The following HSD17B11 variants were observed in gnomAD, a reference collection of about 807,000 sequenced individuals.
HSD17B11 encodes the protein estradiol 17-beta-dehydrogenase 11.
Under a neutral mutation model 27.8 loss-of-function variants are expected in HSD17B11, and 22 were observed. The ratio of observed to expected loss-of-function variants is 0.79; its 90% CI spans 0.56 to 1.13. The LOEUF (loss-of-function observed/expected upper bound fraction) is 1.13. Ranked by LOEUF, HSD17B11 falls within the 50% of genes most tolerant of loss-of-function variation. HSD17B11 has a pLI of 0.00. For missense variants in HSD17B11, 314 were observed against 351.1 expected, an observed-to-expected ratio of 0.89 and a Z score of 0.84; for synonymous variants, 117 against 132.8, an observed-to-expected ratio of 0.88 and a Z score of 0.82.
chr4:87,387,501 TC>T (rs1441680385), intron 1 of HSD17B11, among the ~76,000 whole-genome samples: 1 of 152,196 alleles, frequency 6.6e-6, no homozygotes, highest in African/African-American at 2.4e-5. Context: ...GAGCTTCACA[TC>T]TCCAGTTTCT....
chr4:87,386,204 C>CTTT (rs58328540), intron 1 of HSD17B11, among the ~76,000 whole-genome samples: 3 of 143,982 alleles, frequency 2.1e-5, no homozygotes, highest in Non-Finnish European at 3.0e-5. Flanking sequence ...AATTGTGAAA[C>CTTT]TTTTTTTTTT....
intron 5 of HSD17B11, 138 bp from the exon 6 acceptor site, chr4:87,340,744 C>T: frequency 3.7e-6 from 2 of 545,310 alleles, no homozygotes; most frequent in Non-Finnish European, 3.3e-6. Flanking sequence ...TATAGGTGCT[C>T]AGAAATGGTA....
intron 1 of HSD17B11, among the ~76,000 whole-genome samples, chr4:87,382,935 G>A (rs931065347): frequency 6.6e-6 from 1 of 152,196 alleles, no homozygotes; most frequent in African/African-American, 2.4e-5. Flanking sequence ...GTAGGACCAC[G>A]TAATACTGTT....
At position 87,375,077 on chromosome 4, in the gene HSD17B11, T is replaced by G. The variant is rs191866225; in HGVS notation, c.319-247A>C. 2.8e-3 allele frequency among the ~76,000 whole-genome samples: 421 copies of G among 152,232 alleles called. 4 individuals carry two copies. Among genetic ancestry groups the G allele is most frequent in the Non-Finnish European group, 3.0e-3 (201 of 68,000 alleles). On this transcript the variant is annotated intron_variant, in intron 2 of 6. Transcript: ENST00000358290. Reference sequence around the variant, plus strand: ...CCACACCTGGCTAATTTTTATATTTTTAGTAGAGATTGGATTTCACCATGT... The same window carrying G: ...CCACACCTGGCTAATTTTTATATTTGTAGTAGAGATTGGATTTCACCATGT...
At chr4:87,342,942 T>C (rs903513452) in intron 5 of HSD17B11, among the ~76,000 whole-genome samples, 1 of 152,192 alleles carries the variant, frequency 6.6e-6, no homozygotes, top group East Asian at 1.9e-4. Context: ...ATCCAGAAAC[T>C]GAAGGATGCT....
chr4:87,353,349 A>G (rs371257405), intron 5 of HSD17B11, among the ~76,000 whole-genome samples: 3 of 152,212 alleles, frequency 2.0e-5, no homozygotes, highest in African/African-American at 4.8e-5. Flanking sequence ...CCCCAAAAGT[A>G]TTGTTGTGAG....
chr4:87,368,639 A>G (rs1370511976), intron 4 of HSD17B11, among the ~76,000 whole-genome samples: 1 of 152,210 alleles, frequency 6.6e-6, no homozygotes, highest in East Asian at 1.9e-4. Context: ...CTGTTAACGC[A>G]TTCTAAGTCA....
chr4:87,362,119 G>C (rs1340817563), intron 4 of HSD17B11, among the ~76,000 whole-genome samples: 16 of 152,250 alleles, frequency 1.1e-4, no homozygotes, highest in Admixed American at 1.0e-3. Flanking sequence ...AGGGGAGTTA[G>C]AGTCTCTCCT....
intron 3 of HSD17B11, 184 bp downstream of exon 3, chr4:87,374,515 G>A (rs941452020): frequency 4.3e-6 from 2 of 461,518 alleles, no homozygotes; most frequent in African/African-American, 4.1e-5. Context: ...TATTAATGTT[G>A]TCAGTGAGGA....
intron 5 of HSD17B11, among the ~76,000 whole-genome samples, chr4:87,347,119 T>C (rs13132871): frequency 1.4e-5 from 1 of 70,996 alleles, no homozygotes; most frequent in Non-Finnish European, 2.6e-5. Flanking sequence ...TTTTTTTCTT[T>C]TTTTTTTTTT....
At chr4:87,386,545 C>T (rs773686506) in intron 1 of HSD17B11, among the ~76,000 whole-genome samples, 22 of 151,892 alleles carry the variant, frequency 1.4e-4, no homozygotes, top group Non-Finnish European at 3.1e-4. Context: ...GAAAAAATTC[C>T]GGACAGTGCC....
rs1215673588 is a variant in HSD17B11 at position 87,370,757 on chromosome 4, T to A, written c.557+1952A>T. 8.2e-4 allele frequency among the ~76,000 whole-genome samples: 10 copies of A among 12,218 alleles called. 1 individual carries two copies. The highest frequency in any genetic ancestry group is 8.0e-3 in the African/African-American group (7 of 870). The allele number at this position is 12,218 out of a possible 152,430, so 8.0% of individuals were successfully genotyped here. ...TTATTATTATTATTATTATTATTAT[T>A]TTTTTTTTTTTTTGAGACGGAGTCT... On this transcript the variant is annotated intron_variant, in intron 4 of 6. Coordinates refer to ENST00000358290, the MANE Select transcript of HSD17B11 (RefSeq NM_016245.5).
rs376629094 is a variant in HSD17B11 at position 87,378,819 on chromosome 4, A to AAT, written c.318+3434_318+3435dup. Among the ~76,000 whole-genome samples the AAT allele has an allele frequency of 8.4e-3, 340 of 40,382 alleles. 25 individuals are homozygous for AAT. Among genetic ancestry groups the AAT allele is most frequent in the African/African-American group, 0.012 (75 of 6,092 alleles). The allele number at this position is 40,382 out of a possible 152,430, so 26.5% of individuals were successfully genotyped here. On this transcript the variant is annotated intron_variant, in intron 2 of 6. Transcript: ENST00000358290. ...ATTTTATATATATATATAAATATAAAATATATATATAAATATATATATATA... is the reference window on the plus strand; with the variant it reads ...ATTTTATATATATATATAAATATAAAATATATATATATAAATATATATATATA...
At chr4:87,373,972 T>A (rs1038596228) in intron 3 of HSD17B11, among the ~76,000 whole-genome samples, 2 of 152,080 alleles carry the variant, frequency 1.3e-5, no homozygotes, top group Admixed American at 1.3e-4. Flanking sequence ...CCTTCAATGG[T>A]GAGGTTCACA....
At chr4:87,342,594 G>A (rs539813764) in intron 5 of HSD17B11, among the ~76,000 whole-genome samples, 1 of 151,860 alleles carries the variant, frequency 6.6e-6, no homozygotes, top group East Asian at 1.9e-4. Context: ...AATAAATAAA[G>A]AATAATTCAT....
At chr4:87,337,421 G>T in intron 6 of HSD17B11, 55 bp from the exon 7 acceptor site, 2 of 957,646 alleles carry the variant, frequency 2.1e-6, no homozygotes, top group South Asian at 1.4e-5. Flanking sequence ...TGCATTTGTA[G>T]AATACCCTCT....
At chr4:87,364,225 G>A (rs1375528859) in intron 4 of HSD17B11, among the ~76,000 whole-genome samples, 1 of 147,584 alleles carries the variant, frequency 6.8e-6, no homozygotes, top group South Asian at 2.2e-4. Context: ...GGTAGCTTGG[G>A]ACTACTTGGG....
intron 6 of HSD17B11, 29 bp downstream of exon 6, chr4:87,340,461 A>G (rs1415084628): frequency 1.4e-6 from 2 of 1,392,556 alleles, no homozygotes; most frequent in Non-Finnish European, 2.0e-6. Context: ...TTTACCTTTC[A>G]TTTCTAAGGT....
At chr4:87,364,925 T>G (rs1735589341) in intron 4 of HSD17B11, among the ~76,000 whole-genome samples, 2 of 152,114 alleles carry the variant, frequency 1.3e-5, no homozygotes, top group African/African-American at 4.8e-5. Flanking sequence ...TCCCAGCACT[T>G]TGGGAGGCTG....
Sources: gnomAD v4.1 joint callset for allele counts (sites outside exome capture counted in the v4.1 genomes callset) on GRCh38, gnomAD v4.1.1 for gene constraint, MANE v1.5 for transcripts, NCBI Gene and HGNC (gene_info 2026-07-23, HGNC 2026-07-21) for gene names.